The following EPSTI1 variants were observed in gnomAD, a reference collection of about 807,000 sequenced individuals.
The protein encoded by EPSTI1 is epithelial stromal interaction 1.
A neutral mutation model predicts 49.9 loss-of-function variants in EPSTI1; 66 were observed. That is an observed-to-expected ratio of 1.32 (90% CI 1.08 to 1.62). The LOEUF is 1.62. EPSTI1 is among the 40% of genes most tolerant of loss of function. The probability of loss-of-function intolerance (pLI) is 0.00; values close to 1 mark genes in which losing one functional copy is unlikely to be tolerated. For missense variants in EPSTI1, 394 were observed against 365.5 expected (o/e 1.08, Z -0.64); for synonymous variants, 137 against 130.7 (o/e 1.05, Z -0.33).
At chr13:42,989,867 A>C (rs568465135) in intron 1 of EPSTI1, among the ~76,000 whole-genome samples, 5 of 152,150 alleles carry the variant, frequency 3.3e-5, no homozygotes, top group Non-Finnish European at 7.4e-5. Flanking sequence ...TGCTGGGATT[A>C]CAGGCGTGAG....
Position 42,964,097 on chromosome 13 carries a change from A to G in EPSTI1, c.374T>C (p.Leu125Pro). 6.2e-7 allele frequency: 1 copy of G among 1,613,566 alleles called. No individual in the cohort carries two copies. Among genetic ancestry groups the G allele is most frequent in the Non-Finnish European group, 8.5e-7 (1 of 1,179,760 alleles). The change falls in exon 4 of 11, where the codon CTC becomes CCC. Residue 125 changes from leucine (L) to proline (P), a missense_variant. By Grantham distance (98) the Leu-to-Pro change is moderately conservative. Coordinates refer to ENST00000313624, the MANE Select transcript of EPSTI1 (RefSeq NM_033255.5). ...CTTGTATTTAGATTGCATCAGCTGG[A>G]GTTGTTGTTTCTGTCTGACTTCAGT... ...SETEVRQKQQ[L>P]QLMQSKYKQK...
chr13:42,909,202 C>T (rs7998278), intron 8 of EPSTI1, among the ~76,000 whole-genome samples: 113,642 of 152,030 alleles, frequency 0.75, 42,702 homozygotes, highest in Non-Finnish European at 0.79. Flanking sequence ...ACATGACTAA[C>T]CATCAGGAAA....
chr13:42,988,496 G>A (rs9533335), intron 1 of EPSTI1, among the ~76,000 whole-genome samples: 13,183 of 152,192 alleles, frequency 0.087, 637 homozygotes, highest in South Asian at 0.17. Flanking sequence ...ACTTTGGGAG[G>A]CCGAGGCAGG....
At chr13:42,970,156 T>G (rs1335953525) in intron 2 of EPSTI1, 1 of 152,442 alleles carries the variant, frequency 6.6e-6, no homozygotes, top group Non-Finnish European at 1.5e-5. Flanking sequence ...CAGCTGGACT[T>G]GAGCAAGCCT....
chr13:42,985,043 G>T (rs891173747), intron 1 of EPSTI1, among the ~76,000 whole-genome samples: 2 of 152,188 alleles, frequency 1.3e-5, no homozygotes, highest in Non-Finnish European at 2.9e-5. Context: ...ATGGATAAGG[G>T]GGAATGCTTG....
chr13:42,968,246 G>A (rs10492659), intron 3 of EPSTI1, among the ~76,000 whole-genome samples: 48,048 of 151,710 alleles, frequency 0.32, 7,765 homozygotes, highest in Middle Eastern at 0.51. Context: ...ACGAAATACA[G>A]TGGGATGATG....
intron 6 of EPSTI1, among the ~76,000 whole-genome samples, chr13:42,926,993 ACAC>A: frequency 1.6e-4 from 1 of 6,378 alleles, no homozygotes; most frequent in Non-Finnish European, 4.8e-4. Context: ...GTTAACAGAC[ACAC>A]ACACACACAC....
At position 42,888,169 on chromosome 13, in the gene EPSTI1, C is replaced by G; in HGVS notation, c.*325G>C. The G allele has an allele frequency of 2.7e-6, 4 of 1,505,838 alleles. No individual in the cohort carries two copies. Among genetic ancestry groups the G allele is most frequent in the Non-Finnish European group, 3.6e-6 (4 of 1,102,744 alleles). The allele number at this position is 1,505,838 out of a possible 1,614,324, so 93.3% of individuals were successfully genotyped here. On this transcript the variant is annotated 3_prime_UTR_variant, in exon 11 of 11. Transcript: ENST00000313624. ...ACTTAGAAAGACAAGCCTGTAGCAC[C>G]CATAGCTCTGATTAACCTGAAAGCA...
At chr13:42,951,653 A>T (rs2039101223) in intron 6 of EPSTI1, among the ~76,000 whole-genome samples, 1 of 152,238 alleles carries the variant, frequency 6.6e-6, no homozygotes, top group African/African-American at 2.4e-5. Flanking sequence ...AAAAGAAAGG[A>T]GGTTGGACGC....
intron 1 of EPSTI1, among the ~76,000 whole-genome samples, chr13:42,975,039 T>C (rs1488564930): frequency 2.6e-5 from 4 of 152,212 alleles, no homozygotes; most frequent in Admixed American, 6.5e-5. Flanking sequence ...AATCTTATCC[T>C]TGGGTATATA....
chr13:42,979,200 C>A (rs60985652), intron 1 of EPSTI1, among the ~76,000 whole-genome samples: 2,977 of 152,108 alleles, frequency 0.02, 91 homozygotes, highest in African/African-American at 0.069. Context: ...TCTCCAGGTT[C>A]CAAAAGAGAA....
intron 3 of EPSTI1, among the ~76,000 whole-genome samples, chr13:42,965,161 T>G (rs1169791061): frequency 6.6e-6 from 1 of 152,146 alleles, no homozygotes; most frequent in African/African-American, 2.4e-5. Flanking sequence ...ACAGCAACTT[T>G]TAGTATCTCC....
intron 1 of EPSTI1, among the ~76,000 whole-genome samples, chr13:42,974,501 C>CA (rs34955822): frequency 4.0e-5 from 6 of 151,270 alleles, no homozygotes; most frequent in Middle Eastern, 3.4e-3. Context: ...ACTAAAAATA[C>CA]AAAAAAAATT....
At chr13:42,980,203 C>G (rs779759157) in intron 1 of EPSTI1, among the ~76,000 whole-genome samples, 3 of 151,704 alleles carry the variant, frequency 2.0e-5, no homozygotes, top group Non-Finnish European at 4.4e-5. Flanking sequence ...TTTCCTTGTG[C>G]AACTAAATAA....
intron 8 of EPSTI1, among the ~76,000 whole-genome samples, chr13:42,910,238 A>G (rs2037626732): frequency 7.5e-6 from 1 of 133,282 alleles, no homozygotes; most frequent in African/African-American, 2.7e-5. Context: ...TGATTCTTGT[A>G]TATATTTTTT....
intron 1 of EPSTI1, among the ~76,000 whole-genome samples, chr13:42,991,562 G>C (rs1360701604): frequency 6.6e-6 from 1 of 152,248 alleles, no homozygotes; most frequent in East Asian, 1.9e-4. Flanking sequence ...TGGGATAACA[G>C]GCTTGAGCCA....
chr13:42,968,598 T>G (rs1288429847), intron 3 of EPSTI1, among the ~76,000 whole-genome samples: 1 of 152,144 alleles, frequency 6.6e-6, no homozygotes, highest in Non-Finnish European at 1.5e-5. Context: ...GAGGTCTCTA[T>G]CTGTAGAATA....
chr13:42,968,984 T>C (rs1232221454), intron 3 of EPSTI1, 110 bp downstream of exon 3: 3 of 950,052 alleles, frequency 3.2e-6, no homozygotes, highest in African/African-American at 3.6e-5. Context: ...AGCAGCACAA[T>C]GACCAAACAA....
At chr13:42,892,062 G>T (rs1370446895) in intron 10 of EPSTI1, among the ~76,000 whole-genome samples, 2 of 152,142 alleles carry the variant, frequency 1.3e-5, no homozygotes, top group Non-Finnish European at 2.9e-5. Flanking sequence ...AAACCATATG[G>T]ATATTTTGGA....
Sources: allele counts gnomAD v4.1 joint callset (sites outside exome capture counted in the v4.1 genomes callset), GRCh38; gene constraint gnomAD v4.1.1; transcripts MANE v1.5; gene names NCBI Gene and HGNC (gene_info 2026-07-23, HGNC 2026-07-21).